The following CARHSP1 variants were observed in gnomAD, a reference collection of about 807,000 sequenced individuals.
The protein encoded by CARHSP1 is calcium regulated heat stable protein 1.
Under a neutral mutation model 12.5 loss-of-function variants are expected in CARHSP1, and 14 were observed. The observed-to-expected ratio is 1.12, with a 90% confidence interval of 0.74 to 1.75. The LOEUF (loss-of-function observed/expected upper bound fraction) is 1.75. Among genes scored for constraint, CARHSP1 ranks in the 40% most tolerant of loss-of-function variants. The probability of loss-of-function intolerance (pLI) is 0.00; values close to 1 mark genes in which losing one functional copy is unlikely to be tolerated. For missense variants in CARHSP1, 343 were observed against 201.6 expected (o/e 1.70, Z -4.25); for synonymous variants, 161 against 82.0 (o/e 1.96, Z -5.20).
rs1315960023 is a variant in CARHSP1 at position 8,857,263 on chromosome 16, G to GTTTTTTGTTTTTTTTTTTTTTTT, written c.281+1086_281+1087insAAAAAAAAAAAAAAAACAAAAAA. On this transcript the variant is annotated intron_variant, in intron 3 of 3. Coordinates refer to ENST00000311052, the MANE Select transcript of CARHSP1 (RefSeq NM_014316.4). ...TGGCTATGTGATCTTGGGCAGATCT[G>GTTTTTTGTTTTTTTTTTTTTTTT]TTTTTTTTTTTTTTTTTTTTTTTTT... Among the ~76,000 whole-genome samples, 16 of 57,036 alleles carry GTTTTTTGTTTTTTTTTTTTTTTT rather than the reference G, an allele frequency of 2.8e-4. 1 individual carries two copies. The highest frequency in any genetic ancestry group is 1.8e-3 in the South Asian group (2 of 1,136). The allele number at this position is 57,036 out of a possible 152,430, so 37.4% of individuals were successfully genotyped here.
chr16:8,867,481 T>C (rs1001472522), intron 1 of CARHSP1: 3 of 152,264 alleles, frequency 2.0e-5, no homozygotes, highest in Non-Finnish European at 4.4e-5. Context: ...TGAAATCACC[T>C]TCCCTCCCAT....
chr16:8,862,745 G>A (rs978057624), intron 1 of CARHSP1, among the ~76,000 whole-genome samples: 3 of 152,168 alleles, frequency 2.0e-5, no homozygotes, highest in African/African-American at 7.2e-5. Context: ...TGATGGGTGG[G>A]GGACTAGGAA....
chr16:8,863,277 CA>C (rs1042790437), intron 1 of CARHSP1, among the ~76,000 whole-genome samples: 25 of 146,312 alleles, frequency 1.7e-4, no homozygotes, highest in Admixed American at 1.6e-3. Context: ...CGTGCCACCA[CA>C]ACCAGCTCAT....
intron 1 of CARHSP1, among the ~76,000 whole-genome samples, chr16:8,859,561 C>A (rs1459452862): frequency 6.6e-6 from 1 of 151,948 alleles, no homozygotes; most frequent in Non-Finnish European, 1.5e-5. Flanking sequence ...ATGAAAATGC[C>A]ACATCCTCCC....
Position 8,861,198 on chromosome 16 carries a change from T to A in CARHSP1, c.-7-1863A>T, listed in dbSNP as rs1167143217. Among the ~76,000 whole-genome samples the A allele has an allele frequency of 1.1e-4, 6 of 53,994 alleles. No homozygotes were observed. In the East Asian group the frequency reaches 1.8e-3, roughly 16 times the overall value. 35.4% of individuals were successfully genotyped at this position (53,994 alleles called of 152,430 possible). A position where few individuals can be genotyped will look rare whatever the true frequency, so the allele number is the denominator to read the frequency against. On this transcript the variant is annotated intron_variant, in intron 1 of 3. Transcript: ENST00000311052. ...TTTTTTTTTTTTTTTTTTTTTTTTT[T>A]TATAGAGACAGGGTATCACTATGTT...
At chr16:8,855,578 GTTCAGCCACCTGTGGGTGCTCACA>G (rs2061074665) in intron 3 of CARHSP1, among the ~76,000 whole-genome samples, 2 of 152,344 alleles carry the variant, frequency 1.3e-5, no homozygotes, top group South Asian at 4.1e-4. Context: ...AACTGAAAGA[GTTCAGCCACCTGTGGGTGCTCACA>G]TGGTGACATG....
In CARHSP1 at chr16:8,856,045, G is replaced by C. The variant is rs116353563; in HGVS notation, c.282-719C>G. ...GCTGGTCTCAAACTCCTGACCTTAA[G>C]TGAGCCACCTGCCTCAGCCTCCGAA... On this transcript the variant is annotated intron_variant, in intron 3 of 3. Transcript: ENST00000311052. Among the ~76,000 whole-genome samples the C allele has an allele frequency of 7.9e-3, 1,199 of 152,276 alleles. 28 individuals carry two copies. The highest frequency in any genetic ancestry group is 0.027 in the African/African-American group (1,138 of 41,566).
rs562137145 is a variant in CARHSP1 at position 8,866,909 on chromosome 16, G to A, written c.-8+2057C>T. On this transcript the variant is annotated intron_variant, in intron 1 of 3. Transcript: ENST00000311052. ...CCCCCTCCCAGGCCCCGCCAAGCTG[G>A]GAATAGCTCTTCCGCCCTCAGGAGC... Among the ~76,000 whole-genome samples, 14 of 152,288 alleles carry A rather than the reference G, an allele frequency of 9.2e-5. No individual in the cohort carries two copies. In the East Asian group the frequency reaches 2.3e-3, roughly 25 times the overall value.
intron 1 of CARHSP1, among the ~76,000 whole-genome samples, chr16:8,866,017 A>T (rs1328005494): frequency 6.6e-6 from 1 of 152,052 alleles, no homozygotes; most frequent in African/African-American, 2.4e-5. Context: ...TTGGTGGCAC[A>T]ATCATGGCTC....
intron 3 of CARHSP1, 97 bp downstream of exon 3, chr16:8,858,253 C>A (rs901607897): frequency 7.0e-7 from 1 of 1,420,536 alleles, no homozygotes; most frequent in East Asian, 2.3e-5. Context: ...TTCGTCCTCA[C>A]ACCCAGCGCC....
At chr16:8,861,845 C>T in intron 1 of CARHSP1, 1 of 1,192,306 alleles carries the variant, frequency 8.4e-7, no homozygotes, top group Non-Finnish European at 1.1e-6. Flanking sequence ...AGAGGCTGGC[C>T]CTGGGAGGGG....
At chr16:8,861,568 C>G (rs922679010) in intron 1 of CARHSP1, 6 of 1,251,738 alleles carry the variant, frequency 4.8e-6, no homozygotes, top group Non-Finnish European at 6.3e-6. Context: ...ATGTCAGAAC[C>G]CCTCCCCAGA....
rs1276099302 is a variant in CARHSP1, at chr16:8,854,544, C to A, written c.*620G>T. The A allele has an allele frequency of 9.8e-5, 15 of 152,778 alleles. No homozygotes were observed. Among genetic ancestry groups the A allele is most frequent in the Admixed American group, 9.8e-4 (15 of 15,288 alleles). The allele number at this position is 152,778 out of a possible 1,614,324, so 9.5% of individuals were successfully genotyped here. A position where few individuals can be genotyped will look rare whatever the true frequency, so the allele number is the denominator to read the frequency against. The stretch of plus-strand genomic sequence containing the variant: ...TGTCTTCCCCAGACAGGCAGCTATG[C>A]CGCCTCCCACTGCAAAGGCACCAAA... On this transcript the variant is annotated 3_prime_UTR_variant, in exon 4 of 4. Transcript: ENST00000311052.
At chr16:8,858,142 C>A in intron 3 of CARHSP1, 1 of 604,328 alleles carries the variant, frequency 1.7e-6, no homozygotes, top group Non-Finnish European at 2.9e-6. Flanking sequence ...AGCCTCACAT[C>A]CCCCAACACA....
At position 8,855,391 on chromosome 16, in the gene CARHSP1, C is replaced by G. The variant is rs1216573132; in HGVS notation, c.282-65G>C. 8 of 1,368,816 alleles carry G rather than the reference C, an allele frequency of 5.8e-6. No homozygotes were observed. The African/African-American group carries it at 1.2e-4, about 20-fold the overall frequency. The allele number at this position is 1,368,816 out of a possible 1,614,324, so 84.8% of individuals were successfully genotyped here. A position where few individuals can be genotyped will look rare whatever the true frequency, so the allele number is the denominator to read the frequency against. On this transcript the variant is annotated intron_variant, in intron 3 of 3. Transcript: ENST00000311052. The stretch of plus-strand genomic sequence containing the variant: ...GACACAGCTCCCTTCCCCAAGACAC[C>G]AGCCACCCTTCTGGTCACACAGCCA...
rs577554875 is a variant in CARHSP1, at chr16:8,860,120, G to A, written c.-7-785C>T. Reference sequence around the variant, plus strand: ...AAAAACTGACCCTCACGCAGTGTCCGCCTCCAGGGAACTGTGGAACACGTC... The same window carrying A: ...AAAAACTGACCCTCACGCAGTGTCCACCTCCAGGGAACTGTGGAACACGTC... On this transcript the variant is annotated intron_variant, in intron 1 of 3. Coordinates refer to ENST00000311052, the MANE Select transcript of CARHSP1 (RefSeq NM_014316.4). 28 of 985,070 alleles carry A rather than the reference G, an allele frequency of 2.8e-5. No individual in the cohort carries two copies. The Admixed American group carries it at 3.7e-4, about 13-fold the overall frequency. 61.0% of individuals were successfully genotyped at this position (985,070 alleles called of 1,614,324 possible). A position where few individuals can be genotyped will look rare whatever the true frequency, so the allele number is the denominator to read the frequency against.
chr16:8,859,442 C>A (rs542747036), intron 1 of CARHSP1, 107 bp from the exon 2 acceptor site: 34 of 1,002,034 alleles, frequency 3.4e-5, no homozygotes, highest in African/African-American at 6.5e-5. Flanking sequence ...TCATTCCTCT[C>A]GGGCACCTCA....
intron 1 of CARHSP1, chr16:8,867,327 C>T (rs1382910318): frequency 6.6e-6 from 1 of 152,340 alleles, no homozygotes; most frequent in Non-Finnish European, 1.5e-5. Context: ...ACCCGAGTTT[C>T]CTCATCTGTC....
At chr16:8,858,294 C>T (rs1225804012) in intron 3 of CARHSP1, 56 bp downstream of exon 3, 2 of 1,589,322 alleles carry the variant, frequency 1.3e-6, no homozygotes, top group African/African-American at 2.7e-5. Context: ...CCCACCTCCA[C>T]AGGGCCAAGG....
Sources: allele counts gnomAD v4.1 joint callset (sites outside exome capture counted in the v4.1 genomes callset), GRCh38; gene constraint gnomAD v4.1.1; transcripts MANE v1.5; gene names NCBI Gene and HGNC (gene_info 2026-07-23, HGNC 2026-07-21).